The following CCDC73 variants were observed in gnomAD, a reference collection of about 807,000 sequenced individuals.
CCDC73 encodes coiled-coil domain-containing protein 73.
In CCDC73, 95 loss-of-function variants were observed where a neutral mutation model predicts 116.5. The observed-to-expected ratio is 0.82, with a 90% CI of 0.69 to 0.97. CCDC73 has a LOEUF of 0.97. Ranked by LOEUF, CCDC73 falls within the 50% of genes least tolerant of loss-of-function variation. CCDC73 has a pLI of 0.00. For missense variants in CCDC73, 1,066 were observed against 1,206.8 expected (o/e 0.88, Z 1.73); for synonymous variants, 398 against 401.3 (o/e 0.99, Z 0.10).
At chr11:32,779,186 GAGTA>G (rs1186875381) in intron 1 of CCDC73, among the ~76,000 whole-genome samples, 25 of 149,626 alleles carry the variant, frequency 1.7e-4, no homozygotes, top group African/African-American at 5.9e-4. Flanking sequence ...AACCAGTGAA[GAGTA>G]GCTTTGTCCA....
rs1290930743 is a variant in CCDC73 at position 32,614,922 on chromosome 11, T to G, written c.1396A>C (p.Ser466Arg). The stretch of plus-strand genomic sequence containing the variant: ...ACAGTATCAATTTCATTCTTGAAGC[T>G]TTTTTCAAAAAGCTGTAAATCTGTC... The part of the protein sequence containing the change: ...IIDDLQLFEK[S>R]FKNEIDTVVS... Residue 466 changes from serine (S) to arginine (R), a missense_variant, in exon 16 of 18, where the codon AGC (serine) becomes CGC (arginine). Coordinates refer to ENST00000335185, the MANE Select transcript of CCDC73 (RefSeq NM_001008391.4). 2 of 1,599,994 alleles carry G rather than the reference T, an allele frequency of 1.3e-6. No homozygotes were observed. Among genetic ancestry groups the G allele is most frequent in the African/African-American group, 2.7e-5 (2 of 74,206 alleles).
intron 6 of CCDC73, among the ~76,000 whole-genome samples, chr11:32,696,747 T>A (rs1046329625): frequency 4.6e-5 from 7 of 152,060 alleles, no homozygotes; most frequent in African/African-American, 1.7e-4. Context: ...TTACACTCCA[T>A]CAATTGCTCA....
rs182271408 is a variant in CCDC73 at position 32,717,006 on chromosome 11, A to G, written c.207+1070T>C. On this transcript the variant is annotated intron_variant, in intron 3 of 17. Transcript: ENST00000335185. ...GTATTTACCTATTCTTTCCCTCCAT[A>G]TTCTTTCCCTCCACAGATAGGTCTG... Among the ~76,000 whole-genome samples the G allele has an allele frequency of 2.5e-3, 388 of 152,284 alleles. 1 individual carries two copies. Among genetic ancestry groups the G allele is most frequent in the South Asian group, 4.8e-3 (23 of 4,832 alleles).
chr11:32,825,635 A>G, the CCDC73 span, among the ~76,000 whole-genome samples: 13 of 152,298 alleles, frequency 8.5e-5, no homozygotes, highest in Non-Finnish European at 1.3e-4. Flanking sequence ...AACACCGTCA[A>G]TTGCATAGCT....
intron 2 of CCDC73, among the ~76,000 whole-genome samples, chr11:32,743,222 T>C (rs1367445043): frequency 2.0e-5 from 3 of 152,218 alleles, no homozygotes; most frequent in South Asian, 4.1e-4. Flanking sequence ...GGGGACAGCA[T>C]TGAATCTATA....
intron 9 of CCDC73, among the ~76,000 whole-genome samples, chr11:32,665,380 T>C (rs1481577170): frequency 6.6e-6 from 1 of 152,182 alleles, no homozygotes; most frequent in African/African-American, 2.4e-5. Context: ...AGTTAGCTCT[T>C]CTTGTTGAAT....
chr11:32,673,144 A>G (rs542442168), intron 9 of CCDC73, among the ~76,000 whole-genome samples: 93 of 152,356 alleles, frequency 6.1e-4, no homozygotes, highest in African/African-American at 2.2e-3. Flanking sequence ...AAATACACAC[A>G]GATGACAAGT....
rs561191967 is a variant in CCDC73 at position 32,689,573 on chromosome 11, TAA to T, written c.391-6001_391-6000del. 3.5e-3 allele frequency among the ~76,000 whole-genome samples: 537 copies of T among 151,942 alleles called. 6 individuals carry two copies. Among genetic ancestry groups the T allele is most frequent in the African/African-American group, 0.012 (517 of 41,474 alleles). ...GATAAATAAGAAATATGAAAAAATA[TAA>T]GACACTAGAAAAAGGCAGATTTTTA... On this transcript the variant is annotated intron_variant, in intron 6 of 17. Transcript: ENST00000335185.
At chr11:32,804,727 C>G in the CCDC73 span, among the ~76,000 whole-genome samples, 1 of 152,126 alleles carries the variant, frequency 6.6e-6, no homozygotes, top group African/African-American at 2.4e-5. Context: ...ATGATAGTCT[C>G]TAATGTAAAA....
intron 1 of CCDC73, 175 bp downstream of exon 1, chr11:32,794,438 C>T (rs978862406): frequency 6.6e-6 from 1 of 152,318 alleles, no homozygotes; most frequent in Non-Finnish European, 1.5e-5. Context: ...AGATTCTAGA[C>T]ACAGCCCAGC....
the CCDC73 span, chr11:32,830,479 T>G: frequency 7.0e-7 from 1 of 1,431,984 alleles, no homozygotes; most frequent in South Asian, 1.6e-5. Context: ...GGGCCTTTTT[T>G]TTTTAATATT....
chr11:32,692,805 G>C (rs556272850), intron 6 of CCDC73, among the ~76,000 whole-genome samples: 2 of 152,294 alleles, frequency 1.3e-5, no homozygotes, highest in African/African-American at 4.8e-5. Context: ...AGCTGAGAAA[G>C]AAAGCGTCTT....
At chr11:32,606,983 G>A (rs1489345312) in intron 17 of CCDC73, among the ~76,000 whole-genome samples, 1 of 150,846 alleles carries the variant, frequency 6.6e-6, no homozygotes, top group Non-Finnish European at 1.5e-5. Context: ...CACCATATTG[G>A]CCAGGCTGGT....
chr11:32,651,599 G>T (rs1319154080), intron 12 of CCDC73, among the ~76,000 whole-genome samples: 2 of 152,182 alleles, frequency 1.3e-5, no homozygotes, highest in Non-Finnish European at 2.9e-5. Flanking sequence ...CTGAGCTGAG[G>T]ATTCAAGCCC....
chr11:32,767,314 A>ATTAATTCAAGATGTCTT (rs1415162819), intron 1 of CCDC73, among the ~76,000 whole-genome samples: 25 of 152,338 alleles, frequency 1.6e-4, no homozygotes, highest in Admixed American at 3.3e-4. Flanking sequence ...TTATACAAAA[A>ATTAATTCAAGATGTCTT]TTAATTCAAG....
chr11:32,641,429 T>C (rs1252005528), intron 13 of CCDC73, among the ~76,000 whole-genome samples: 3 of 151,942 alleles, frequency 2.0e-5, no homozygotes, highest in Non-Finnish European at 4.4e-5. Context: ...AATAAAAAAA[T>C]ATGATTTAAG....
intron 2 of CCDC73, among the ~76,000 whole-genome samples, chr11:32,735,628 A>G (rs10767958): frequency 0.57 from 86,770 of 152,056 alleles, 25,158 homozygotes; most frequent in East Asian, 0.84. Flanking sequence ...CAAGCTACCA[A>G]TGACTTTCTT....
In CCDC73 at chr11:32,653,202, A is replaced by G. The variant is rs774621737; in HGVS notation, c.860T>C (p.Met287Thr). 1 of 1,611,020 alleles carries G rather than the reference A, an allele frequency of 6.2e-7. No homozygotes were observed. The highest frequency in any genetic ancestry group is 8.5e-7 in the Non-Finnish European group (1 of 1,178,092). ...KQDIIISFQH[M>T]QQLLRQQIQA... ...AATTTGTTGCCGAAGTAACTGCTGC[A>G]TATGTTGGAAAGAAATGATGATATC... The change falls in exon 12 of 18, where the codon ATG (methionine) becomes ACG (threonine). Residue 287 changes from methionine to threonine, a missense_variant. By Grantham distance (81) the Met-to-Thr change is moderately conservative. Transcript: ENST00000335185.
rs1849771437 is a variant in CCDC73 at position 32,698,010 on chromosome 11, A to ATTTTTTTTTTTTTTTTTTTTTTTTTTTT, written c.390+1240_390+1241insAAAAAAAAAAAAAAAAAAAAAAAAAAAA. ...TCTGTTGTTTCTTTGTCTAACACTG[A>ATTTTTTTTTTTTTTTTTTTTTTTTTTTT]ATTTTTTTTTTTTTTTTTTTTTTTT... On this transcript the variant is annotated intron_variant, in intron 6 of 17. Transcript: ENST00000335185. Among the ~76,000 whole-genome samples, 2 of 117,758 alleles carry ATTTTTTTTTTTTTTTTTTTTTTTTTTTT rather than the reference A, an allele frequency of 1.7e-5. 1 individual carries two copies. Among genetic ancestry groups the ATTTTTTTTTTTTTTTTTTTTTTTTTTTT allele is most frequent in the African/African-American group, 6.7e-5 (2 of 29,924 alleles). 77.3% of individuals were successfully genotyped at this position (117,758 alleles called of 152,430 possible). A position where few individuals can be genotyped will look rare whatever the true frequency, so the allele number is the denominator to read the frequency against.
Sources: allele counts gnomAD v4.1 joint callset (sites outside exome capture counted in the v4.1 genomes callset), GRCh38; gene constraint gnomAD v4.1.1; transcripts MANE v1.5; gene names NCBI Gene and HGNC (gene_info 2026-07-23, HGNC 2026-07-21).